Variants in PIP5K1A observed in about 807,000 individuals in gnomAD.
The protein encoded by PIP5K1A is phosphatidylinositol 4-phosphate 5-kinase type-1 alpha.
PIP5K1A carries 46 observed loss-of-function variants against 72.9 expected under a neutral mutation model. The ratio of observed to expected loss-of-function variants is 0.63; its 90% confidence interval spans 0.50 to 0.81. The LOEUF is 0.81. PIP5K1A is among the 30% of genes least tolerant of loss of function. The pLI is 0.00. For missense variants in PIP5K1A, 458 were observed against 706.1 expected (o/e 0.65, Z 3.98); for synonymous variants, 228 against 255.1 (o/e 0.89, Z 1.01).
At chr1:151,242,706 G>A in intron 14 of PIP5K1A, 139 bp downstream of exon 14, 1 of 777,522 alleles carries the variant, frequency 1.3e-6, no homozygotes, top group Non-Finnish European at 2.1e-6. Context: ...CATACTTTCT[G>A]TGGGTCAGGA....
At chr1:151,229,231 G>T (rs1360264952) in intron 4 of PIP5K1A, among the ~76,000 whole-genome samples, 3 of 143,864 alleles carry the variant, frequency 2.1e-5, no homozygotes, top group Admixed American at 7.1e-5. Context: ...CTGTTGCCCA[G>T]ACTGGAATGC....
At chr1:151,235,205 C>A (rs1690673727) in intron 8 of PIP5K1A, among the ~76,000 whole-genome samples, 1 of 152,184 alleles carries the variant, frequency 6.6e-6, no homozygotes. Flanking sequence ...GCCTCAGCCT[C>A]CCAAGTAGCT....
intron 1 of PIP5K1A, among the ~76,000 whole-genome samples, chr1:151,216,399 GTCT>G (rs1477798729): frequency 6.6e-5 from 10 of 151,836 alleles, no homozygotes; most frequent in Admixed American, 2.0e-4. Flanking sequence ...GTAGTTCATG[GTCT>G]TCTTCTAAGA....
intron 1 of PIP5K1A, among the ~76,000 whole-genome samples, chr1:151,222,300 C>T (rs909047555): frequency 1.3e-5 from 2 of 152,132 alleles, no homozygotes; most frequent in African/African-American, 2.4e-5. Flanking sequence ...CATCACCCTG[C>T]GTGCTCTTGG....
At position 151,234,359 on chromosome 1, in the gene PIP5K1A, C is replaced by T. The variant is rs746632430; in HGVS notation, c.802C>T (p.Arg268Trp). Reference protein sequence around the residue: ...YDLKGSTYKRRASQKEREKPL... With the variant: ...YDLKGSTYKRWASQKEREKPL... ...CCTCAAAGGCTCAACCTACAAACGG[C>T]GGGCTTCCCAGAAAGAGCGAGAGAA... The change falls in exon 8 of 16, where the codon CGG becomes TGG. Residue 268 changes from arginine (R) to tryptophan (W), a missense_variant. By Grantham distance (101) the Arg-to-Trp change is moderately radical. Around this residue, in one of 3 missense-constraint regions of PIP5K1A, gnomAD observed 220 missense variants for 442.6 expected, o/e 0.50. Coordinates refer to ENST00000368888, the MANE Select transcript of PIP5K1A (RefSeq NM_001135638.2). 1.1e-5 allele frequency: 18 copies of T among 1,613,908 alleles called. No homozygotes were observed. The highest frequency in any genetic ancestry group is 1.4e-5 in the Non-Finnish European group (17 of 1,179,924).
chr1:151,210,039 G>A (rs1186079354), intron 1 of PIP5K1A, among the ~76,000 whole-genome samples: 2 of 151,694 alleles, frequency 1.3e-5, no homozygotes, highest in African/African-American at 2.4e-5. Context: ...GCCCGCCACC[G>A]TGTCTGGCTA....
At chr1:151,245,881 C>T (rs1461147535) in intron 14 of PIP5K1A, among the ~76,000 whole-genome samples, 2 of 152,134 alleles carry the variant, frequency 1.3e-5, no homozygotes, top group African/African-American at 4.8e-5. Context: ...ACCTCAATTC[C>T]AGGTACAAAA....
chr1:151,210,378 C>T (rs1048651345), intron 1 of PIP5K1A, among the ~76,000 whole-genome samples: 8 of 150,174 alleles, frequency 5.3e-5, no homozygotes, highest in African/African-American at 2.0e-4. Context: ...TAAGTAGAGA[C>T]AGTCTCATCA....
At chr1:151,210,070 G>A (rs983794624) in intron 1 of PIP5K1A, among the ~76,000 whole-genome samples, 11 of 151,874 alleles carry the variant, frequency 7.2e-5, no homozygotes, top group African/African-American at 2.7e-4. Flanking sequence ...TTTCAGTAGA[G>A]ACGGGGTTTT....
At chr1:151,234,064 T>C (rs910666683) in intron 7 of PIP5K1A, 133 bp from the exon 8 acceptor site, 18 of 674,428 alleles carry the variant, frequency 2.7e-5, no homozygotes, top group Non-Finnish European at 4.8e-5. Flanking sequence ...ATATATGATG[T>C]AGGTTTATGG....
chr1:151,212,951 CGT>C (rs1687049167), intron 1 of PIP5K1A, among the ~76,000 whole-genome samples: 1 of 141,486 alleles, frequency 7.1e-6, no homozygotes, highest in African/African-American at 2.7e-5. Context: ...AGTGCAGTGG[CGT>C]GATCTCGGCT....
At chr1:151,233,825 C>G (rs767373663) in intron 7 of PIP5K1A, 26 of 204,038 alleles carry the variant, frequency 1.3e-4, no homozygotes, top group Non-Finnish European at 2.5e-4. Context: ...CAGCCTTACT[C>G]TGATTGCTAT....
chr1:151,247,843 T>C lies in PIP5K1A; in HGVS notation c.1687-20T>C, dbSNP rs768212377. ...TAATCTCATACTCCACATCCTTAAC[T>C]TTACACTCTCCCTTTTCAGTAAGCG... On this transcript the variant is annotated intron_variant, in intron 15 of 15. Transcript: ENST00000368888. 1.7e-5 allele frequency: 28 copies of C among 1,602,436 alleles called. No homozygotes were observed. In the African/African-American group the frequency reaches 3.2e-4, roughly 18 times the overall value.
chr1:151,225,279 T>G (rs768664331), intron 3 of PIP5K1A, among the ~76,000 whole-genome samples: 2 of 152,104 alleles, frequency 1.3e-5, no homozygotes, highest in Non-Finnish European at 2.9e-5. Flanking sequence ...CACTGCCCTC[T>G]AGCCTGGGTG....
chr1:151,225,257 C>G (rs1274742648), intron 3 of PIP5K1A, among the ~76,000 whole-genome samples: 3 of 152,062 alleles, frequency 2.0e-5, no homozygotes, highest in African/African-American at 7.2e-5. Flanking sequence ...CTGCAGTGAG[C>G]CATTATCACA....
chr1:151,197,893 T>A, upstream of PIP5K1A: 1 of 351,414 alleles, frequency 2.8e-6, no homozygotes, highest in South Asian at 2.1e-5. Context: ...TTTTTCTGTG[T>A]ATCTCCATGC....
rs759781472 is a variant in PIP5K1A at position 151,234,432 on chromosome 1, A to G, written c.875A>G (p.Asp292Gly). 6.8e-6 allele frequency: 11 copies of G among 1,613,812 alleles called. No individual in the cohort carries two copies. The East Asian group carries it at 2.4e-4, about 36-fold the overall frequency. Residue 292 changes from aspartate to glycine, a missense_variant, in exon 8 of 16, where the codon GAT (aspartate) becomes GGT (glycine). Around this residue, in one of 3 missense-constraint regions of PIP5K1A, gnomAD observed 220 missense variants for 442.6 expected, o/e 0.50. Transcript: ENST00000368888. ...CTAGACTTCTTACAAGACATCCCTG[A>G]TGGTCTTTTTTTGGATGCTGACATG... ...KDLDFLQDIP[D>G]GLFLDADMYN...
rs748893851 is a variant in PIP5K1A at position 151,242,550 on chromosome 1, G to A, written c.1623G>A (p.Leu541=). ...PSFSPLVGET[L]QMLTTSTTLE... is the part of the protein sequence containing the mutation. ...TCTCACCTCTAGTTGGAGAGACTTT[G>A]CAAATGCTAACTACAAGGTTGGTTT... Residue 541 remains leucine, a synonymous_variant, in exon 14 of 16, where the codon TTG becomes TTA. Transcript: ENST00000368888. The A allele has an allele frequency of 6.2e-6, 10 of 1,613,938 alleles. No individual in the cohort carries two copies. The highest frequency in any genetic ancestry group is 5.9e-6 in the Non-Finnish European group (7 of 1,179,850).
intron 1 of PIP5K1A, among the ~76,000 whole-genome samples, chr1:151,210,123 A>T (rs932062120): frequency 2.6e-5 from 4 of 151,734 alleles, no homozygotes; most frequent in Admixed American, 2.6e-4. Context: ...ACCTCAGGTG[A>T]TCTGCCTGCT....
Sources: gnomAD v4.1 joint callset for allele counts (sites outside exome capture counted in the v4.1 genomes callset) on GRCh38, gnomAD v4.1.1 for gene constraint, gnomAD v4.1.1 regional missense constraint, MANE v1.5 for transcripts, NCBI Gene and HGNC (gene_info 2026-07-23, HGNC 2026-07-21) for gene names.